GK: variants seen among roughly 807,000 people sequenced by gnomAD.
GK encodes ATP:glycerol 3-phosphotransferase.
GK carries 9 observed loss-of-function variants against 56.4 expected under a neutral mutation model. That is an observed-to-expected ratio of 0.16 (90% CI 0.10 to 0.28). The LOEUF (loss-of-function observed/expected upper bound fraction) is 0.28. GK is among the 10% of genes least tolerant of loss of function. GK has a pLI of 1.00. For synonymous variants in GK, 104 were observed against 144.1 expected (o/e 0.72, Z 1.99); for missense variants, 161 against 431.4 (o/e 0.37, Z 5.55).
intron 1 of GK, among the ~76,000 whole-genome samples, chrX:30,657,638 C>T (rs1042400225): frequency 3.6e-5 from 4 of 112,118 alleles, no homozygotes; most frequent in African/African-American, 1.3e-4. Flanking sequence ...TGATGTAGAT[C>T]GTATTAGTAA....
chrX:30,695,250 C>T (rs1220970782), intron 6 of GK: 2 of 508,786 alleles, frequency 3.9e-6, no homozygotes, highest in African/African-American at 5.0e-5. Context: ...AAAGAGGCAC[C>T]TTCTTCACCT....
intron 1 of GK, among the ~76,000 whole-genome samples, chrX:30,656,054 T>TA (rs1420882403): frequency 8.9e-6 from 1 of 111,864 alleles, no homozygotes; most frequent in Admixed American, 9.6e-5. Flanking sequence ...TAGAGGCAAA[T>TA]AAAAAAACCG....
chrX:30,675,341 GCCCA>G (rs1933813427), intron 3 of GK, among the ~76,000 whole-genome samples: 1 of 104,527 alleles, frequency 9.6e-6, no homozygotes, highest in South Asian at 4.5e-4. Context: ...GACTACAGGC[GCCCA>G]CCACCACACC....
intron 1 of GK, among the ~76,000 whole-genome samples, chrX:30,657,672 C>G (rs900701579): frequency 7.1e-5 from 8 of 111,901 alleles, no homozygotes; most frequent in Admixed American, 9.5e-5. Flanking sequence ...GGTGATTAGA[C>G]TGTGGCTGAG....
At chrX:30,688,197 G>A (rs1934724514) in intron 4 of GK, among the ~76,000 whole-genome samples, 1 of 111,464 alleles carries the variant, frequency 9.0e-6, no homozygotes, top group African/African-American at 3.3e-5. Context: ...TTTGTGGTAA[G>A]GATTTAACTC....
chrX:30,674,681 T>A (rs73632541), intron 3 of GK, among the ~76,000 whole-genome samples: 1,464 of 110,302 alleles, frequency 0.013, 22 homozygotes, highest in African/African-American at 0.04. Flanking sequence ...TTTTAAAAAA[T>A]ATATATATAT....
chrX:30,680,581 A>C (rs763746925), intron 4 of GK, among the ~76,000 whole-genome samples: 57 of 112,253 alleles, frequency 5.1e-4, no homozygotes, highest in African/African-American at 1.8e-3. Context: ...CAGTATGCGG[A>C]GAACAACCAG....
In GK at chrX:30,696,146, C is replaced by T. The variant is rs757543057; in HGVS notation, c.657C>T (p.Leu219=). The change falls in exon 7 of 21, where the codon CTC becomes CTT. Residue 219 remains leucine, a synonymous_variant. Coordinates refer to ENST00000427190, the MANE Select transcript of GK (RefSeq NM_001205019.2). ...ATTCTTTGGAATGGGATAAACAACT[C>T]TGCGAGTAAGTTCTGTTTTGCTCTA... ...NIHSLEWDKQ[L]CEFFGIPMEI... 8.6e-6 allele frequency: 9 copies of T among 1,046,793 alleles called. No individual in the cohort carries two copies. The Admixed American group carries it at 2.0e-4, about 23-fold the overall frequency. 86.3% of individuals were successfully genotyped at this position (1,046,793 alleles called of 1,213,427 possible). A position where few individuals can be genotyped will look rare whatever the true frequency, so the allele number is the denominator to read the frequency against.
chrX:30,689,440 C>T (rs767872987), intron 4 of GK: 2 of 321,196 alleles, frequency 6.2e-6, no homozygotes, highest in South Asian at 5.4e-5. Context: ...AAGTTTAAAG[C>T]AGGGGGCAGT....
chrX:30,700,803 T>G lies in GK; in HGVS notation c.784-35T>G, dbSNP rs779584831. 12 of 884,700 alleles carry G rather than the reference T, an allele frequency of 1.4e-5. No homozygotes were observed. The South Asian group carries it at 2.4e-4, about 18-fold the overall frequency. 72.9% of individuals were successfully genotyped at this position (884,700 alleles called of 1,213,427 possible). A position where few individuals can be genotyped will look rare whatever the true frequency, so the allele number is the denominator to read the frequency against. The stretch of plus-strand genomic sequence containing the variant: ...AAAAAGAAAGTTAATACTATTGTAT[T>G]AGTCAGTGTTCTTTATTGTCATTTA... On this transcript the variant is annotated intron_variant, in intron 10 of 20. Coordinates refer to ENST00000427190, the MANE Select transcript of GK (RefSeq NM_001205019.2).
Position 30,730,212 on chromosome X carries a change from T to G in GK, c.*1470T>G, listed in dbSNP as rs1937297701. 2 of 112,239 alleles carry G rather than the reference T, an allele frequency of 1.8e-5. No homozygotes were observed. The highest frequency in any genetic ancestry group is 3.8e-5 in the Non-Finnish European group (2 of 53,232). The allele number at this position is 112,239 out of a possible 1,213,427, so 9.2% of individuals were successfully genotyped here. On this transcript the variant is annotated 3_prime_UTR_variant, in exon 21 of 21. Transcript: ENST00000427190. ...GAAGAAAAGATTGCCTCCTAATTATTTTTTTCAATGAGTGCTGAATGGGAA... is the reference window on the plus strand; with the variant it reads ...GAAGAAAAGATTGCCTCCTAATTATGTTTTTCAATGAGTGCTGAATGGGAA...
intron 1 of GK, among the ~76,000 whole-genome samples, chrX:30,654,084 A>G (rs922674877): frequency 1.8e-5 from 2 of 112,435 alleles, no homozygotes; most frequent in African/African-American, 6.5e-5. Context: ...GAACGAATAA[A>G]GTATTGGAGT....
intron 13 of GK, among the ~76,000 whole-genome samples, chrX:30,713,096 C>T (rs1936438665): frequency 9.0e-6 from 1 of 111,576 alleles, no homozygotes; most frequent in Non-Finnish European, 1.9e-5. Context: ...CCAGCCTTGT[C>T]TTCCATTAAG....
chrX:30,674,537 C>G (rs1933750264), intron 3 of GK: 1 of 222,828 alleles, frequency 4.5e-6, no homozygotes, highest in Non-Finnish European at 8.5e-6. Context: ...CCATCCATCC[C>G]CTCATTCTCC....
chrX:30,697,866 G>A lies in GK; in HGVS notation c.747+117G>A, dbSNP rs1018507132. ...CTAAACATATATATCTAGAATTTCC[G>A]TGACCTTCCAAATTATTATAAGCTC... On this transcript the variant is annotated intron_variant, in intron 9 of 20. Coordinates refer to ENST00000427190, the MANE Select transcript of GK (RefSeq NM_001205019.2). The A allele has an allele frequency of 7.2e-5, 41 of 569,728 alleles. No homozygotes were observed. In the East Asian group the frequency reaches 8.9e-4, roughly 12 times the overall value. 47.0% of individuals were successfully genotyped at this position (569,728 alleles called of 1,213,427 possible).
chrX:30,670,365 T>C (rs1421829588), intron 3 of GK, among the ~76,000 whole-genome samples: 1 of 111,695 alleles, frequency 9.0e-6, no homozygotes, highest in Non-Finnish European at 1.9e-5. Flanking sequence ...TTCTCCCTTG[T>C]TTTTACGGTT....
intron 3 of GK, among the ~76,000 whole-genome samples, chrX:30,669,890 C>T (rs1407352947): frequency 8.9e-6 from 1 of 112,602 alleles, no homozygotes; most frequent in Non-Finnish European, 1.9e-5. Flanking sequence ...ACATGTTAAT[C>T]TGATAATCAC....
chrX:30,728,497 A>G (rs941565001), intron 20 of GK, among the ~76,000 whole-genome samples: 1 of 112,086 alleles, frequency 8.9e-6, no homozygotes, highest in African/African-American at 3.2e-5. Flanking sequence ...CTTCGGTGAC[A>G]TACACTGCAA....
At chrX:30,702,052 T>A (rs1935699705) in intron 11 of GK, among the ~76,000 whole-genome samples, 1 of 110,663 alleles carries the variant, frequency 9.0e-6, no homozygotes, top group Non-Finnish European at 1.9e-5. Flanking sequence ...TATTTATTTT[T>A]TTTTTTTGAG....
Sources: gnomAD v4.1 joint callset for allele counts (sites outside exome capture counted in the v4.1 genomes callset) on GRCh38, gnomAD v4.1.1 for gene constraint, MANE v1.5 for transcripts, NCBI Gene and HGNC (gene_info 2026-07-23, HGNC 2026-07-21) for gene names.